The following DNAH1 variants were observed in gnomAD, a reference collection of about 807,000 sequenced individuals.
DNAH1 encodes the protein dynein axonemal heavy chain 1, also known as axonemal beta dynein heavy chain 1.
DNAH1 carries 327 observed loss-of-function variants against 484.3 expected under a neutral mutation model. The observed-to-expected ratio is 0.68, with a 90% CI of 0.62 to 0.74. The LOEUF (loss-of-function observed/expected upper bound fraction) is 0.74. DNAH1 is among the 30% of genes least tolerant of loss of function. The probability of loss-of-function intolerance (pLI) is 0.00; values close to 1 mark genes in which losing one functional copy is unlikely to be tolerated. For synonymous variants in DNAH1, 2,192 were observed against 2,191.9 expected, an observed-to-expected ratio of 1.00 and a Z score of 0.00; for missense variants, 5,052 against 5,546.8, an observed-to-expected ratio of 0.91 and a Z score of 2.83.
rs373554527 is a variant in DNAH1, at chr3:52,391,553, G to A, written c.10002G>A (p.Thr3334=). Reference sequence around the variant, plus strand: ...CCAAGCTGCCCAACCCACACTACACGCCCGAGATCTCCACCAAACTCACCC... The same window carrying A: ...CCAAGCTGCCCAACCCACACTACACACCCGAGATCTCCACCAAACTCACCC... The part of the protein sequence containing the change: ...ITTKLPNPHY[T]PEISTKLTLI... Residue 3334 remains threonine, a synonymous_variant, in exon 63 of 78, where the codon ACG becomes ACA. Transcript: ENST00000420323. 7.0e-5 allele frequency: 99 copies of A among 1,419,824 alleles called. No individual in the cohort carries two copies. The African/African-American group carries it at 1.3e-3, about 19-fold the overall frequency. The allele number at this position is 1,419,824 out of a possible 1,614,324, so 88.0% of individuals were successfully genotyped here.
chr3:52,394,530 C>T lies in DNAH1; in HGVS notation c.10692C>T (p.Asp3564=), dbSNP rs374977141. The T allele has an allele frequency of 6.2e-7, 1 of 1,613,896 alleles. No homozygotes were observed. The highest frequency in any genetic ancestry group is 1.6e-4 in the Middle Eastern group (1 of 6,084). Residue 3564 remains aspartate, a synonymous_variant, in exon 67 of 78, where the codon GAC becomes GAT. Transcript: ENST00000420323. ...ISIMTENPAP[D]WLSDRAWRDI... is the part of the protein sequence containing the mutation. ...TCATGACTGAGAATCCGGCACCGGA[C>T]TGGCTGTCAGACCGGGCTTGGCGAG...
rs1168316598 is a variant in DNAH1, at chr3:52,356,761, G to A, written c.3841G>A (p.Ala1281Thr). 1.9e-6 allele frequency: 3 copies of A among 1,610,588 alleles called. No homozygotes were observed. Among genetic ancestry groups the A allele is most frequent in the South Asian group, 2.2e-5 (2 of 90,578 alleles). The change falls in exon 22 of 78, where the codon GCC becomes ACC. Residue 1281 changes from alanine (A) to threonine (T), a missense_variant. Around this residue, in one of 4 missense-constraint regions of DNAH1, gnomAD observed 2,929 missense variants for 3,409.4 expected, o/e 0.86. Transcript: ENST00000420323. ...ERIWKKIMKN[A>T]YENREVINVC... ...GATCTGGAAGAAGATCATGAAGAATGCCTACGAGAACCGGGAGGCAAGCTC... is the reference window on the plus strand; with the variant it reads ...GATCTGGAAGAAGATCATGAAGAATACCTACGAGAACCGGGAGGCAAGCTC...
chr3:52,394,454 T>C lies in DNAH1; in HGVS notation c.10627-11T>C. Reference sequence around the variant, plus strand: ...GGGCCTGGGCATCAGCCTCCTCCTGTCCCCTGCCAGAGTGAGTGGCGATAC... The same window carrying C: ...GGGCCTGGGCATCAGCCTCCTCCTGCCCCCTGCCAGAGTGAGTGGCGATAC... On this transcript the variant is annotated splice_polypyrimidine_tract_variant and intron_variant, in intron 66 of 77. Coordinates refer to ENST00000420323, the MANE Select transcript of DNAH1 (RefSeq NM_015512.5). 6.2e-7 allele frequency: 1 copy of C among 1,613,712 alleles called. No individual in the cohort carries two copies. The highest frequency in any genetic ancestry group is 8.5e-7 in the Non-Finnish European group (1 of 1,179,768).
chr3:52,352,240 A>G (rs1702415440), intron 17 of DNAH1, 137 bp downstream of exon 17: 1 of 1,267,688 alleles, frequency 7.9e-7, no homozygotes, highest in African/African-American at 1.5e-5. Flanking sequence ...GGATGAATGA[A>G]TAAATGGCTG....
At chr3:52,374,096 G>C in intron 44 of DNAH1, 1 of 1,082,422 alleles carries the variant, frequency 9.2e-7, no homozygotes, top group Non-Finnish European at 1.4e-6. Context: ...TCAGGAGAGA[G>C]ATTTTCTTAA....
intron 21 of DNAH1, among the ~76,000 whole-genome samples, chr3:52,356,404 T>A (rs1559522249): frequency 6.6e-6 from 1 of 152,328 alleles, no homozygotes; most frequent in African/African-American, 2.4e-5. Context: ...GTGGGACTTC[T>A]CTGGAGGGCA....
intron 8 of DNAH1, among the ~76,000 whole-genome samples, chr3:52,335,598 C>T (rs1449111960): frequency 5.3e-5 from 8 of 151,930 alleles, no homozygotes; most frequent in Non-Finnish European, 7.4e-5. Context: ...TGTGAGCCAC[C>T]GCACCCGGCC....
At position 52,382,303 on chromosome 3, in the gene DNAH1, CA is replaced by C. The variant is rs758461459; in HGVS notation, c.7806-14del. On this transcript the variant is annotated splice_polypyrimidine_tract_variant and intron_variant, in intron 49 of 77. Coordinates refer to ENST00000420323, the MANE Select transcript of DNAH1 (RefSeq NM_015512.5). Reference sequence around the variant, plus strand: ...CCCAAGTCCCTGGCATGCTTCAACCCAAACTTCTGCCTCCAGGGCCGAGTAC... The same window carrying C: ...CCCAAGTCCCTGGCATGCTTCAACCCAACTTCTGCCTCCAGGGCCGAGTAC... 1 of 1,613,832 alleles carries C rather than the reference CA, an allele frequency of 6.2e-7. No homozygotes were observed. Among genetic ancestry groups the C allele is most frequent in the African/African-American group, 1.3e-5 (1 of 74,914 alleles).
intron 3 of DNAH1, among the ~76,000 whole-genome samples, chr3:52,324,409 G>T (rs1434662269): frequency 6.6e-6 from 1 of 152,162 alleles, no homozygotes; most frequent in African/African-American, 2.4e-5. Context: ...TTCCCCAGTG[G>T]CAGAGGGGAG....
intron 6 of DNAH1, among the ~76,000 whole-genome samples, chr3:52,330,676 C>T (rs1011651964): frequency 6.6e-6 from 1 of 152,182 alleles, no homozygotes; most frequent in South Asian, 2.1e-4. Flanking sequence ...CTGCCCTGCC[C>T]TGCCCTGCCG....
intron 8 of DNAH1, among the ~76,000 whole-genome samples, chr3:52,332,990 C>G (rs780303794): frequency 2.0e-5 from 3 of 152,130 alleles, no homozygotes; most frequent in Non-Finnish European, 4.4e-5. Context: ...TGGGCTCAAG[C>G]AAGCCTCCCA....
Position 52,364,676 on chromosome 3 carries a change from G to T in DNAH1, c.5283G>T (p.Val1761=). ...YDFGMRAVKT[V]ISAAGNLKRE... ...TCGGGATGAGAGCCGTGAAAACTGT[G>T]ATCTCGGCTGCTGGGAACCTCAAGC... The change falls in exon 33 of 78, where the codon GTG becomes GTT. Residue 1761 remains valine, a synonymous_variant. Transcript: ENST00000420323. This position sits in a 1 kb window ranked among gnomAD's most constrained non-coding sequence, Gnocchi z 4.2. The T allele has an allele frequency of 1.2e-6, 2 of 1,613,982 alleles. No individual in the cohort carries two copies. The highest frequency in any genetic ancestry group is 1.1e-5 in the South Asian group (1 of 91,078).
At chr3:52,344,163 G>A (rs561765046) in intron 8 of DNAH1, among the ~76,000 whole-genome samples, 1 of 152,172 alleles carries the variant, frequency 6.6e-6, no homozygotes, top group Non-Finnish European at 1.5e-5. Context: ...GGCTGTGAGT[G>A]GCAGCTCTCT....
chr3:52,375,401 G>C lies in DNAH1; in HGVS notation c.7147G>C (p.Gly2383Arg). 1.2e-6 allele frequency: 2 copies of C among 1,613,212 alleles called. No individual in the cohort carries two copies. The highest frequency in any genetic ancestry group is 2.2e-5 in the South Asian group (2 of 90,892). ...SKKRIFSTIL[G>R]NWLDGLLGEK... The stretch of plus-strand genomic sequence containing the variant: ...GAAACGCATCTTCTCCACCATCCTG[G>C]GCAACTGGTTGGGTGAGTATTGGTG... The change falls in exon 45 of 78, where the codon GGC (glycine) becomes CGC (arginine). Residue 2383 changes from glycine (G) to arginine (R), a missense_variant. Coordinates refer to ENST00000420323, the MANE Select transcript of DNAH1 (RefSeq NM_015512.5).
intron 70 of DNAH1, 93 bp from the exon 71 acceptor site, chr3:52,396,275 A>T (rs994261396): frequency 6.6e-5 from 92 of 1,402,132 alleles, no homozygotes; most frequent in Non-Finnish European, 8.6e-5. Flanking sequence ...GCCTCGCCTG[A>T]CCCACCTCAG....
chr3:52,317,903 G>T (rs1701008843), intron 1 of DNAH1: 1 of 152,390 alleles, frequency 6.6e-6, no homozygotes, highest in Non-Finnish European at 1.5e-5. Context: ...CGGTGGAACC[G>T]GTACGTCGGT....
Position 52,381,582 on chromosome 3 carries a change from C to A in DNAH1, c.7609-58C>A. The A allele has an allele frequency of 6.8e-7, 1 of 1,477,000 alleles. No individual in the cohort carries two copies. The highest frequency in any genetic ancestry group is 9.1e-7 in the Non-Finnish European group (1 of 1,093,190). The allele number at this position is 1,477,000 out of a possible 1,614,324, so 91.5% of individuals were successfully genotyped here. Reference sequence around the variant, plus strand: ...AAGAAAGCGGGTGGGTGGGGGGAATCGGGGAGACCCTACAGTAAGAGAGAC... The same window carrying A: ...AAGAAAGCGGGTGGGTGGGGGGAATAGGGGAGACCCTACAGTAAGAGAGAC... On this transcript the variant is annotated intron_variant, in intron 48 of 77. Coordinates refer to ENST00000420323, the MANE Select transcript of DNAH1 (RefSeq NM_015512.5). This position sits in a 1 kb window ranked among gnomAD's most constrained non-coding sequence, Gnocchi z 4.1.
upstream of DNAH1, among the ~76,000 whole-genome samples, chr3:52,314,120 C>G (rs902203975): frequency 6.6e-6 from 1 of 152,140 alleles, no homozygotes. Context: ...GGTCACAGGG[C>G]CAAGTTGATG....
chr3:52,329,650 C>G (rs1004573074), intron 6 of DNAH1, among the ~76,000 whole-genome samples: 3 of 152,034 alleles, frequency 2.0e-5, no homozygotes. Flanking sequence ...ACAGATGAAA[C>G]CCCGTCTTTA....
Sources: allele counts gnomAD v4.1 joint callset (sites outside exome capture counted in the v4.1 genomes callset), GRCh38; gene constraint gnomAD v4.1.1; regional missense constraint gnomAD v4.1.1; non-coding constraint Gnocchi (gnomAD v3.1); transcripts MANE v1.5; gene names NCBI Gene and HGNC (gene_info 2026-07-23, HGNC 2026-07-21).